The following LEPR variants were observed in gnomAD, a reference collection of about 807,000 sequenced individuals.
LEPR encodes the protein OB receptor.
A neutral mutation model predicts 114.7 loss-of-function variants in LEPR; 56 were observed. The ratio of observed to expected loss-of-function variants is 0.49; its 90% confidence interval spans 0.39 to 0.61. The LOEUF (loss-of-function observed/expected upper bound fraction) is 0.61, where lower values mean the gene tolerates loss of function less well. Ranked by LOEUF, LEPR falls within the 20% of genes least tolerant of loss-of-function variation. LEPR has a pLI of 0.00. For missense variants in LEPR, 1,202 were observed against 1,352.9 expected, an observed-to-expected ratio of 0.89 and a Z score of 1.75; for synonymous variants, 443 against 461.4, an observed-to-expected ratio of 0.96 and a Z score of 0.51.
At chr1:65,586,436 A>C (rs1655323637) in intron 5 of LEPR, among the ~76,000 whole-genome samples, 1 of 151,892 alleles carries the variant, frequency 6.6e-6, no homozygotes, top group African/African-American at 2.4e-5. Context: ...GGGAGGGAGA[A>C]TTTTCTTTTT....
chr1:65,610,463 C>T (rs1354069389), intron 14 of LEPR, among the ~76,000 whole-genome samples, 167 bp downstream of exon 14: 1 of 152,200 alleles, frequency 6.6e-6, no homozygotes, highest in Non-Finnish European at 1.5e-5. Context: ...GTGGCTGAAG[C>T]ACTGGCATAG....
At chr1:65,458,295 T>G (rs1251611258) in intron 2 of LEPR, among the ~76,000 whole-genome samples, 1 of 152,218 alleles carries the variant, frequency 6.6e-6, no homozygotes, top group Non-Finnish European at 1.5e-5. Flanking sequence ...CATCTTCATT[T>G]AGATCTGAGT....
intron 2 of LEPR, among the ~76,000 whole-genome samples, chr1:65,507,874 G>A (rs1648835936): frequency 6.6e-6 from 1 of 152,086 alleles, no homozygotes; most frequent in Admixed American, 6.6e-5. Context: ...TTTCGAAATA[G>A]CTGATCTAAC....
intron 2 of LEPR, among the ~76,000 whole-genome samples, chr1:65,431,535 T>C (rs1363303903): frequency 6.6e-6 from 1 of 152,246 alleles, no homozygotes; most frequent in Non-Finnish European, 1.5e-5. Context: ...TGAGTTTTAC[T>C]TAAGGCAATC....
chr1:65,604,271 G>C (rs1054071410), intron 10 of LEPR, among the ~76,000 whole-genome samples: 5 of 152,078 alleles, frequency 3.3e-5, no homozygotes, highest in African/African-American at 1.2e-4. Context: ...ATTAAAAAAT[G>C]CCTTTCTAAT....
intron 19 of LEPR, among the ~76,000 whole-genome samples, chr1:65,632,292 T>G (rs1658553796): frequency 6.6e-6 from 1 of 152,170 alleles, no homozygotes; most frequent in Non-Finnish European, 1.5e-5. Context: ...CCATCTCCCC[T>G]ATGCCCAGAA....
chr1:65,610,862 A>T (rs1484506585), intron 14 of LEPR, among the ~76,000 whole-genome samples: 3 of 152,214 alleles, frequency 2.0e-5, no homozygotes, highest in African/African-American at 4.8e-5. Flanking sequence ...TTTAAGATTG[A>T]CTTGGGAATA....
intron 2 of LEPR, among the ~76,000 whole-genome samples, chr1:65,465,862 G>C (rs111919366): frequency 6.6e-6 from 1 of 151,068 alleles, no homozygotes; most frequent in East Asian, 1.9e-4. Context: ...GCTTTTTTTT[G>C]CTTTCCATTT....
At chr1:65,545,083 T>G (rs1570652699) in intron 2 of LEPR, among the ~76,000 whole-genome samples, 1 of 150,952 alleles carries the variant, frequency 6.6e-6, no homozygotes, top group East Asian at 2.0e-4. Context: ...TGCGATAGTT[T>G]ACTGAGAATG....
chr1:65,489,520 C>A (rs1647754428), intron 2 of LEPR, among the ~76,000 whole-genome samples: 1 of 151,876 alleles, frequency 6.6e-6, no homozygotes, highest in African/African-American at 2.4e-5. Context: ...GGGTATTAAT[C>A]CCTTGTCAGA....
At chr1:65,600,535 A>G (rs1656378812) in intron 8 of LEPR, among the ~76,000 whole-genome samples, 1 of 152,166 alleles carries the variant, frequency 6.6e-6, no homozygotes, top group South Asian at 2.1e-4. Context: ...TTCATAGTCT[A>G]TCAACAGAAA....
intron 2 of LEPR, chr1:65,431,926 AT>A (rs1446024451): frequency 3.1e-6 from 5 of 1,612,750 alleles, no homozygotes; most frequent in Non-Finnish European, 4.2e-6. Flanking sequence ...GTAGCACTTT[AT>A]TCTGATTACA....
chr1:65,567,907 A>G (rs1653888715), intron 3 of LEPR, among the ~76,000 whole-genome samples: 1 of 149,932 alleles, frequency 6.7e-6, no homozygotes, highest in Non-Finnish European at 1.5e-5. Flanking sequence ...CCATACTGAC[A>G]TATCATTGTC....
chr1:65,427,429 G>A (rs968659100), intron 2 of LEPR, among the ~76,000 whole-genome samples: 1 of 152,140 alleles, frequency 6.6e-6, no homozygotes, highest in African/African-American at 2.4e-5. Context: ...AAATAAGCCA[G>A]GCATGGTGCC....
Position 65,592,722 on chromosome 1 carries a change from A to G in LEPR, c.560A>G (p.Asn187Ser). ...GGCAGTTTTCAGATGGTTCACTGCA[A>G]TTGCAGTGTTCATGAATGTTGTGAA... is the stretch of plus-strand genomic sequence containing the variant. The part of the protein sequence containing the change: ...QKGSFQMVHC[N>S]CSVHECCECL... The change falls in exon 6 of 20, where the codon AAT (asparagine) becomes AGT (serine). Residue 187 changes from asparagine (N) to serine (S), a missense_variant. Coordinates refer to ENST00000349533, the MANE Select transcript of LEPR (RefSeq NM_002303.6). 3.1e-6 allele frequency: 5 copies of G among 1,613,340 alleles called. No individual in the cohort carries two copies. Among genetic ancestry groups the G allele is most frequent in the Non-Finnish European group, 4.2e-6 (5 of 1,179,492 alleles).
At chr1:65,566,540 G>A (rs2100788175) in intron 3 of LEPR, among the ~76,000 whole-genome samples, 1 of 152,266 alleles carries the variant, frequency 6.6e-6, no homozygotes, top group East Asian at 1.9e-4. Flanking sequence ...GTTCTCACGT[G>A]TTTCTTACCA....
chr1:65,613,759 CAAA>C, intron 14 of LEPR, among the ~76,000 whole-genome samples: 1 of 32,286 alleles, frequency 3.1e-5, no homozygotes. Context: ...GACTCCGTCT[CAAA>C]AAAAAAAAAA....
In LEPR at chr1:65,572,378, C is replaced by G. The variant is rs763824125; in HGVS notation, c.423C>G (p.Ile141Met). The G allele has an allele frequency of 1.4e-6, 2 of 1,423,988 alleles. No homozygotes were observed. The highest frequency in any genetic ancestry group is 1.9e-6 in the Non-Finnish European group (2 of 1,066,602). 88.2% of individuals were successfully genotyped at this position (1,423,988 alleles called of 1,614,324 possible). A position where few individuals can be genotyped will look rare whatever the true frequency, so the allele number is the denominator to read the frequency against. ...TAAAAGGAGACTTAAAATTATTCAT[C>G]TGTTATGTGGAGTCATTATTTAAGA... ...CWLKGDLKLF[I>M]CYVESLFKNL... The change falls in exon 5 of 20, where the codon ATC becomes ATG. Residue 141 changes from isoleucine to methionine, a missense_variant. Ile to Met is a conservative substitution (Grantham distance 10, BLOSUM62 1). Transcript: ENST00000349533.
intron 2 of LEPR, among the ~76,000 whole-genome samples, chr1:65,548,368 ACT>A (rs1265192461): frequency 1.2e-4 from 19 of 152,088 alleles, no homozygotes; most frequent in African/African-American, 4.6e-4. Flanking sequence ...ATCCTTGTTA[ACT>A]TTCTCTGTCG....
Sources: allele counts gnomAD v4.1 joint callset (sites outside exome capture counted in the v4.1 genomes callset), GRCh38; gene constraint gnomAD v4.1.1; transcripts MANE v1.5; gene names NCBI Gene and HGNC (gene_info 2026-07-23, HGNC 2026-07-21).